CDH8: variants seen among roughly 807,000 people sequenced by gnomAD.
CDH8 encodes cadherin 8.
A neutral mutation model predicts 68.1 loss-of-function variants in CDH8; 17 were observed. The observed-to-expected ratio is 0.25, with a 90% CI of 0.17 to 0.37. CDH8 has a LOEUF of 0.37. CDH8 is among the 10% of genes least tolerant of loss of function. The pLI, the probability that CDH8 is intolerant of heterozygous loss-of-function variation, is 1.00. For missense variants in CDH8, 763 were observed against 999.3 expected (o/e 0.76, Z 3.19); for synonymous variants, 372 against 365.1 (o/e 1.02, Z -0.21).
At chr16:61,809,545 C>A (rs1961888902) in intron 7 of CDH8, among the ~76,000 whole-genome samples, 1 of 152,092 alleles carries the variant, frequency 6.6e-6, no homozygotes, top group Non-Finnish European at 1.5e-5. Context: ...CACAAGTATA[C>A]CTATGTAACA....
chr16:61,767,351 A>C (rs999232289), intron 8 of CDH8, among the ~76,000 whole-genome samples: 2 of 151,974 alleles, frequency 1.3e-5, no homozygotes, highest in African/African-American at 4.8e-5. Context: ...TTAGGGTTGA[A>C]GAATTACTTG....
At chr16:61,684,979 CA>C (rs1311090909) in intron 10 of CDH8, among the ~76,000 whole-genome samples, 3 of 151,860 alleles carry the variant, frequency 2.0e-5, no homozygotes. Context: ...CTATTACTGT[CA>C]ATATTTAAGT....
intron 2 of CDH8, among the ~76,000 whole-genome samples, chr16:61,902,176 G>A (rs1031754757): frequency 5.3e-5 from 8 of 152,130 alleles, no homozygotes; most frequent in African/African-American, 1.9e-4. Context: ...GAATTTAGGA[G>A]TACATTTTCC....
intron 3 of CDH8, among the ~76,000 whole-genome samples, chr16:61,871,515 G>A (rs1023574350): frequency 3.9e-5 from 6 of 151,952 alleles, no homozygotes; most frequent in Non-Finnish European, 7.4e-5. Context: ...TGTTTTCATG[G>A]TAGATTCTGA....
intron 10 of CDH8, among the ~76,000 whole-genome samples, chr16:61,669,493 C>T (rs1466845365): frequency 6.6e-6 from 1 of 151,954 alleles, no homozygotes; most frequent in East Asian, 1.9e-4. Flanking sequence ...AAAGAAATCT[C>T]TATGGTAAGA....
At chr16:61,755,255 G>A (rs192183408) in intron 8 of CDH8, among the ~76,000 whole-genome samples, 3 of 152,216 alleles carry the variant, frequency 2.0e-5, no homozygotes, top group African/African-American at 4.8e-5. Context: ...CTTAAGGAAT[G>A]TATAATTATC....
At chr16:61,883,697 A>G (rs1388162983) in intron 3 of CDH8, among the ~76,000 whole-genome samples, 2 of 151,146 alleles carry the variant, frequency 1.3e-5, no homozygotes, top group Non-Finnish European at 2.9e-5. Context: ...GTGAATCTCA[A>G]AGAACTAAGA....
chr16:62,033,635 G>A (rs11075450), intron 1 of CDH8, among the ~76,000 whole-genome samples: 74,326 of 152,014 alleles, frequency 0.49, 19,113 homozygotes, highest in African/African-American at 0.65. Flanking sequence ...TTGAATGACA[G>A]CATTACAGCA....
intron 2 of CDH8, among the ~76,000 whole-genome samples, chr16:61,967,143 G>A (rs1328940960): frequency 6.6e-6 from 1 of 152,170 alleles, no homozygotes; most frequent in Non-Finnish European, 1.5e-5. Context: ...CGAGGCTGCA[G>A]TAAGATATGG....
chr16:61,670,086 T>C (rs762356929), intron 10 of CDH8, among the ~76,000 whole-genome samples: 1 of 152,028 alleles, frequency 6.6e-6, no homozygotes, highest in Non-Finnish European at 1.5e-5. Context: ...TCTCCTACAA[T>C]CTCTTTCTTG....
intron 8 of CDH8, among the ~76,000 whole-genome samples, chr16:61,768,401 TCTCTCTCTCTCTCTCTCTCTCTCTCTCC>T (rs1226533806): frequency 9.6e-5 from 12 of 125,302 alleles, no homozygotes; most frequent in African/African-American, 3.9e-4. Flanking sequence ...TCTCCCTTTC[TCTCTCTCTCTCTCTCTCTCTCTCTCTCC>T]CTCTCCCTCT....
chr16:62,013,212 G>T lies in CDH8; in HGVS notation c.252+7940C>A, dbSNP rs576031177. ...GGAGCTTGCAGTGAGCCGAGATTGTGCCACTGCAGTCCGCAGTCCGGCCTG... is the reference window on the plus strand; with the variant it reads ...GGAGCTTGCAGTGAGCCGAGATTGTTCCACTGCAGTCCGCAGTCCGGCCTG... On this transcript the variant is annotated intron_variant, in intron 2 of 11. Transcript: ENST00000577390. Among the ~76,000 whole-genome samples the T allele has an allele frequency of 4.2e-4, 10 of 23,846 alleles. 4 individuals are homozygous for T. In the East Asian group the frequency reaches 0.017, roughly 40 times the overall value. The allele number at this position is 23,846 out of a possible 152,430, so 15.6% of individuals were successfully genotyped here. A position where few individuals can be genotyped will look rare whatever the true frequency, so the allele number is the denominator to read the frequency against.
intron 2 of CDH8, among the ~76,000 whole-genome samples, chr16:61,978,377 C>T (rs1567553912): frequency 6.6e-6 from 1 of 152,114 alleles, no homozygotes; most frequent in Non-Finnish European, 1.5e-5. Flanking sequence ...GTTGCTGTTG[C>T]CACCATTGCT....
intron 10 of CDH8, among the ~76,000 whole-genome samples, chr16:61,701,248 C>A (rs1274213680): frequency 2.6e-5 from 4 of 152,018 alleles, no homozygotes; most frequent in Non-Finnish European, 1.5e-5. Flanking sequence ...ACATAAAATC[C>A]CCAGAGATAT....
intron 9 of CDH8, among the ~76,000 whole-genome samples, chr16:61,723,983 G>T (rs1334410791): frequency 1.3e-5 from 2 of 148,492 alleles, no homozygotes; most frequent in Non-Finnish European, 1.5e-5. Context: ...GAAACTATCA[G>T]ATTTTTTTTT....
intron 7 of CDH8, among the ~76,000 whole-genome samples, chr16:61,793,376 C>G (rs545430876): frequency 2.5e-4 from 38 of 151,854 alleles, no homozygotes; most frequent in African/African-American, 8.0e-4. Flanking sequence ...AGCCTAGTAT[C>G]CATTAGTTAT....
chr16:61,913,756 C>T (rs892362928), intron 2 of CDH8, among the ~76,000 whole-genome samples: 5 of 152,048 alleles, frequency 3.3e-5, no homozygotes, highest in Admixed American at 2.0e-4. Context: ...CTAAATAGAT[C>T]TTTCACACAT....
chr16:61,941,023 A>G (rs74660175), intron 2 of CDH8, among the ~76,000 whole-genome samples: 15,409 of 152,304 alleles, frequency 0.1, 1,052 homozygotes, highest in East Asian at 0.29. Flanking sequence ...ATCTTGTAGC[A>G]TTTTGAATGC....
chr16:61,675,817 TATA>T (rs1470223610), intron 10 of CDH8, among the ~76,000 whole-genome samples: 2 of 151,192 alleles, frequency 1.3e-5, no homozygotes, highest in East Asian at 1.9e-4. Flanking sequence ...TGTGAAGTAG[TATA>T]ATATTACTTG....
Sources: allele counts gnomAD v4.1 joint callset (sites outside exome capture counted in the v4.1 genomes callset), GRCh38; gene constraint gnomAD v4.1.1; transcripts MANE v1.5; gene names NCBI Gene and HGNC (gene_info 2026-07-23, HGNC 2026-07-21).